CPS1: variants seen among roughly 807,000 people sequenced by gnomAD.
CPS1 encodes carbamoyl-phosphate synthase [ammonia], mitochondrial.
In CPS1, 109 loss-of-function variants were observed where a neutral mutation model predicts 174.6. That is an observed-to-expected ratio of 0.62 (90% CI 0.53 to 0.73). CPS1 has a LOEUF of 0.73. CPS1 is among the 30% of genes least tolerant of loss of function. The pLI is 0.00. For synonymous variants in CPS1, 637 were observed against 632.0 expected, an observed-to-expected ratio of 1.01 and a Z score of -0.12; for missense variants, 1,689 against 1,821.9, an observed-to-expected ratio of 0.93 and a Z score of 1.33.
At chr2:210,663,988 A>C (rs1013636283) in intron 33 of CPS1, among the ~76,000 whole-genome samples, 1 of 152,152 alleles carries the variant, frequency 6.6e-6, no homozygotes, top group Non-Finnish European at 1.5e-5. Flanking sequence ...TAATTGCAAC[A>C]AAGTACGTGA....
rs201152021 is a variant in CPS1, at chr2:210,593,000, T to C, written c.1164+44T>C. 182 of 1,506,550 alleles carry C rather than the reference T, an allele frequency of 1.2e-4. No individual in the cohort carries two copies. In the African/African-American group the frequency reaches 2.3e-3, roughly 19 times the overall value. The allele number at this position is 1,506,550 out of a possible 1,614,324, so 93.3% of individuals were successfully genotyped here. On this transcript the variant is annotated intron_variant, in intron 11 of 37. Transcript: ENST00000233072. Reference sequence around the variant, plus strand: ...GCCTATTATGTATGCAAAAAAAAAATGTATTTGTGTGGAAATTCGAGAAAC... The same window carrying C: ...GCCTATTATGTATGCAAAAAAAAAACGTATTTGTGTGGAAATTCGAGAAAC...
chr2:210,577,292 CTT>C (rs1176426010), intron 3 of CPS1, 127 bp from the exon 4 acceptor site: 8 of 717,250 alleles, frequency 1.1e-5, no homozygotes, highest in African/African-American at 9.1e-5. Flanking sequence ...TTTTTTGCCT[CTT>C]GTTTTTAAAA....
chr2:210,663,149 G>T lies in CPS1; in HGVS notation c.3954G>T (p.Leu1318Phe). 1 of 1,613,298 alleles carries T rather than the reference G, an allele frequency of 6.2e-7. No homozygotes were observed. The highest frequency in any genetic ancestry group is 8.5e-7 in the Non-Finnish European group (1 of 1,179,882). Residue 1318 changes from leucine to phenylalanine, a missense_variant, in exon 33 of 38, where the codon TTG becomes TTT. By Grantham distance (22) the Leu-to-Phe change is conservative. Coordinates refer to ENST00000233072, the MANE Select transcript of CPS1 (RefSeq NM_001875.5). The stretch of plus-strand genomic sequence containing the variant: ...CTCCCATGTTTTCCTGGCCCCGGTT[G>T]AGGGATGCTGACCCCATTCTGAGAT... ...IKAPMFSWPRLRDADPILRCE... is the reference protein window; with the variant it reads ...IKAPMFSWPRFRDADPILRCE...
chr2:210,548,134 T>C (rs754827181), intron 1 of CPS1, among the ~76,000 whole-genome samples: 2 of 152,040 alleles, frequency 1.3e-5, no homozygotes, highest in Non-Finnish European at 2.9e-5. Context: ...AGTTATATAT[T>C]TTTATGCCAT....
At chr2:210,558,870 C>T (rs1466838308) in intron 1 of CPS1, among the ~76,000 whole-genome samples, 1 of 152,004 alleles carries the variant, frequency 6.6e-6, no homozygotes, top group Non-Finnish European at 1.5e-5. Flanking sequence ...CTAAGAATGA[C>T]AAATTTGTAG....
intron 17 of CPS1, among the ~76,000 whole-genome samples, chr2:210,605,510 A>C (rs1698877151): frequency 6.6e-6 from 1 of 151,930 alleles, no homozygotes; most frequent in Non-Finnish European, 1.5e-5. Flanking sequence ...GGTAGAAATA[A>C]GATCCATAAA....
chr2:210,642,751 A>G, intron 25 of CPS1, 86 bp downstream of exon 25: 1 of 1,215,996 alleles, frequency 8.2e-7, no homozygotes, highest in Non-Finnish European at 1.2e-6. Flanking sequence ...TGGTATATAG[A>G]TGTATATAGT....
At chr2:210,677,271 C>A in intron 37 of CPS1, 135 bp downstream of exon 37, 1 of 912,532 alleles carries the variant, frequency 1.1e-6, no homozygotes, top group African/African-American at 1.7e-5. Context: ...TTTTAATAAT[C>A]TAAAATAATG....
chr2:210,541,955 T>A (rs1172159049), intron 1 of CPS1, among the ~76,000 whole-genome samples: 1 of 152,086 alleles, frequency 6.6e-6, no homozygotes, highest in Non-Finnish European at 1.5e-5. Flanking sequence ...TGTGGCCACA[T>A]CTAGACCACT....
chr2:210,634,042 A>G (rs1699951529), intron 21 of CPS1, among the ~76,000 whole-genome samples: 2 of 152,230 alleles, frequency 1.3e-5, no homozygotes, highest in South Asian at 4.1e-4. Flanking sequence ...CTGAGTGCAT[A>G]CTTGCACATA....
chr2:210,591,754 C>T, intron 9 of CPS1, 77 bp from the exon 10 acceptor site: 3 of 1,509,672 alleles, frequency 2.0e-6, no homozygotes, highest in Non-Finnish European at 9.1e-7. Flanking sequence ...TACTTGTTCA[C>T]TACTTTATAA....
At position 210,602,450 on chromosome 2, in the gene CPS1, T is replaced by C. The variant is rs958138425; in HGVS notation, c.1836+120T>C. 5.6e-5 allele frequency: 72 copies of C among 1,280,270 alleles called. No individual in the cohort carries two copies. The Middle Eastern group carries it at 5.9e-4, about 10-fold the overall frequency. 79.3% of individuals were successfully genotyped at this position (1,280,270 alleles called of 1,614,324 possible). ...TTTTCTTTATTAAATCATGATCATG[T>C]TCTCCAAAAGCGTATTCCAAAAGAT... On this transcript the variant is annotated intron_variant, in intron 16 of 37. Transcript: ENST00000233072.
chr2:210,488,797 A>G (rs957481404), intron 1 of CPS1, among the ~76,000 whole-genome samples: 3 of 152,112 alleles, frequency 2.0e-5, no homozygotes, highest in Non-Finnish European at 4.4e-5. Context: ...TCATTCCTTC[A>G]TTCCTTCTAC....
At chr2:210,622,174 A>C (rs1699550470) in intron 21 of CPS1, among the ~76,000 whole-genome samples, 1 of 151,626 alleles carries the variant, frequency 6.6e-6, no homozygotes, top group South Asian at 2.1e-4. Context: ...TATTTATGTG[A>C]GCAATATTGT....
chr2:210,556,115 T>A (rs181195543), upstream of CPS1, among the ~76,000 whole-genome samples: 11 of 152,068 alleles, frequency 7.2e-5, no homozygotes, highest in African/African-American at 2.6e-4. Context: ...TATAGATAGG[T>A]TTATTGTATA....
At chr2:210,489,296 G>A (rs1694806506) in intron 1 of CPS1, among the ~76,000 whole-genome samples, 1 of 152,182 alleles carries the variant, frequency 6.6e-6, no homozygotes, top group Non-Finnish European at 1.5e-5. Context: ...GTCTGACTTG[G>A]TGGGTGCGGT....
intron 13 of CPS1, among the ~76,000 whole-genome samples, chr2:210,596,059 T>C (rs1698471245): frequency 6.6e-6 from 1 of 151,850 alleles, no homozygotes; most frequent in Non-Finnish European, 1.5e-5. Context: ...TTATAAATTA[T>C]TATCTGTCAC....
chr2:210,502,402 TTA>T (rs951445758), intron 1 of CPS1, among the ~76,000 whole-genome samples: 9 of 146,402 alleles, frequency 6.1e-5, no homozygotes, highest in South Asian at 2.1e-4. Flanking sequence ...TATGTATATT[TTA>T]TATATATATA....
rs552459017 is a variant in CPS1, at chr2:210,625,907, G to T, written c.2687+9366G>T. On this transcript the variant is annotated intron_variant, in intron 21 of 37. Coordinates refer to ENST00000233072, the MANE Select transcript of CPS1 (RefSeq NM_001875.5). Reference sequence around the variant, plus strand: ...GAAAATCTGACTATGAAGAAATTAAGATAGTATAAGAAGAAAAACTAAAGT... The same window carrying T: ...GAAAATCTGACTATGAAGAAATTAATATAGTATAAGAAGAAAAACTAAAGT... Among the ~76,000 whole-genome samples the T allele has an allele frequency of 2.0e-5, 3 of 152,168 alleles. No homozygotes were observed. In the South Asian group the frequency reaches 6.2e-4, roughly 32 times the overall value.
Sources: allele counts gnomAD v4.1 joint callset (sites outside exome capture counted in the v4.1 genomes callset), GRCh38; gene constraint gnomAD v4.1.1; transcripts MANE v1.5; gene names NCBI Gene and HGNC (gene_info 2026-07-23, HGNC 2026-07-21).